Variants in PCDHGB3 observed in about 807,000 individuals in gnomAD.
PCDHGB3 encodes the protein protocadherin gamma subfamily B, 3.
PCDHGB3 carries 40 observed loss-of-function variants against 59.2 expected under a neutral mutation model. The observed-to-expected ratio is 0.68, with a 90% CI of 0.52 to 0.88. The LOEUF (loss-of-function observed/expected upper bound fraction) is 0.88. PCDHGB3 is among the 40% of genes least tolerant of loss of function. PCDHGB3 has a pLI of 0.00. For synonymous variants in PCDHGB3, 581 were observed against 503.6 expected (o/e 1.15, Z -2.06); for missense variants, 1,309 against 1,187.9 (o/e 1.10, Z -1.50).
chr5:141,374,718 T>A (rs1462422521), intron 1 of PCDHGB3: 6 of 1,609,996 alleles, frequency 3.7e-6, no homozygotes, highest in Non-Finnish European at 5.1e-6. Context: ...CGCCTGGTCC[T>A]TACTGCCATG....
intron 1 of PCDHGB3, chr5:141,374,349 G>A: frequency 1.2e-6 from 2 of 1,614,042 alleles, no homozygotes; most frequent in Non-Finnish European, 1.7e-6. Context: ...ACCGCGGGTA[G>A]GATAGACCGC....
rs746063311 is a variant in PCDHGB3, at chr5:141,376,553, G to C, written c.2415+3744G>C. 1.7e-5 allele frequency: 28 copies of C among 1,610,698 alleles called. No homozygotes were observed. The Admixed American group carries it at 2.2e-4, about 13-fold the overall frequency. On this transcript the variant is annotated intron_variant, in intron 1 of 3. Coordinates refer to ENST00000576222, the MANE Select transcript of PCDHGB3 (RefSeq NM_018924.5). ...GCGGGAAGAGTAATCTGATCTTCCC[G>C]CAACCCAACTAATCAGACAGGCTCA...
chr5:141,489,990 A>G lies in PCDHGB3; in HGVS notation c.2416-4817A>G. ...TCCAATCCTCAGTTCTACGTGTGGG[A>G]ATCCCAGAGAATGCACCCATTGGTA... is the stretch of plus-strand genomic sequence containing the variant. On this transcript the variant is annotated intron_variant, in intron 1 of 3. Transcript: ENST00000576222. This position sits in a 1 kb window ranked among gnomAD's most constrained non-coding sequence, Gnocchi z 4.5. 6.2e-7 allele frequency: 1 copy of G among 1,614,256 alleles called. No individual in the cohort carries two copies. Among genetic ancestry groups the G allele is most frequent in the Non-Finnish European group, 8.5e-7 (1 of 1,180,030 alleles).
At chr5:141,401,570 C>T (rs192915698) in intron 1 of PCDHGB3, among the ~76,000 whole-genome samples, 2 of 152,290 alleles carry the variant, frequency 1.3e-5, no homozygotes, top group Admixed American at 1.3e-4. Context: ...ATTTCTCTTG[C>T]TCGGAATCCT....
chr5:141,494,468 C>G (rs2099754577), intron 1 of PCDHGB3, among the ~76,000 whole-genome samples: 1 of 152,136 alleles, frequency 6.6e-6, no homozygotes, highest in East Asian at 1.9e-4. Context: ...TGCACCTCTT[C>G]CCCCAGTTCC....
intron 1 of PCDHGB3, chr5:141,414,010 G>A (rs1308472085): frequency 1.2e-6 from 2 of 1,612,990 alleles, no homozygotes; most frequent in Non-Finnish European, 1.7e-6. Flanking sequence ...AGGTGCCAAT[G>A]GAGAAGTGAC....
chr5:141,415,905 C>T (rs1278855649), intron 1 of PCDHGB3: 5 of 801,160 alleles, frequency 6.2e-6, no homozygotes, highest in Non-Finnish European at 8.6e-6. Context: ...GACAGACTTC[C>T]ATACAGAAGT....
At chr5:141,418,433 C>G (rs761824602) in intron 1 of PCDHGB3, 44 of 1,613,938 alleles carry the variant, frequency 2.7e-5, no homozygotes, top group Non-Finnish European at 3.7e-5. Flanking sequence ...TGGCAAATAT[C>G]CAGAATTAGT....
intron 1 of PCDHGB3, chr5:141,421,325 G>A: frequency 6.2e-7 from 1 of 1,613,906 alleles, no homozygotes; most frequent in Non-Finnish European, 8.5e-7. Context: ...AGGCAGATCC[G>A]ATATTCGGTG....
chr5:141,388,848 G>A (rs766706887), intron 1 of PCDHGB3: 6 of 1,613,942 alleles, frequency 3.7e-6, no homozygotes, highest in South Asian at 3.3e-5. Flanking sequence ...AGCAAGGGAC[G>A]GTGGAGGAAT....
chr5:141,461,560 T>G (rs1355320881), intron 1 of PCDHGB3, among the ~76,000 whole-genome samples: 1 of 152,234 alleles, frequency 6.6e-6, no homozygotes, highest in African/African-American at 2.4e-5. Context: ...ATGTGTACTT[T>G]GCAAAGATAA....
intron 1 of PCDHGB3, chr5:141,423,661 G>A: frequency 1.3e-6 from 2 of 1,555,760 alleles, no homozygotes; most frequent in Non-Finnish European, 1.7e-6. Flanking sequence ...AAGTAATCAG[G>A]TGAGATTTAT....
chr5:141,498,726 G>T (rs2099785379), intron 2 of PCDHGB3, among the ~76,000 whole-genome samples: 1 of 152,172 alleles, frequency 6.6e-6, no homozygotes, highest in Admixed American at 6.5e-5. Context: ...GAGGTCAGGA[G>T]TTTGAGACCA....
rs754835805 is a variant in PCDHGB3 at position 141,415,008 on chromosome 5, T to C, written c.2415+42199T>C. ...GCCAGAACGCCTGGCTGTCCTACCGTCTGCTCAAGGCCAGCGAGCCGGGAC... is the reference window on the plus strand; with the variant it reads ...GCCAGAACGCCTGGCTGTCCTACCGCCTGCTCAAGGCCAGCGAGCCGGGAC... On this transcript the variant is annotated intron_variant, in intron 1 of 3. Transcript: ENST00000576222. 3.1e-6 allele frequency: 5 copies of C among 1,613,636 alleles called. No individual in the cohort carries two copies. The South Asian group carries it at 3.3e-5, about 11-fold the overall frequency.
chr5:141,381,826 C>CTTCTTTTTTTTT (rs1777532522), intron 1 of PCDHGB3, among the ~76,000 whole-genome samples: 2 of 74,284 alleles, frequency 2.7e-5, no homozygotes, highest in African/African-American at 1.2e-4. Flanking sequence ...CTTTCTTCTT[C>CTTCTTTTTTTTT]TTTTTTTTTT....
At chr5:141,374,852 G>C in intron 1 of PCDHGB3, 1 of 1,613,798 alleles carries the variant, frequency 6.2e-7, no homozygotes, top group Middle Eastern at 1.6e-4. Context: ...AAACCTGCCA[G>C]TAGGCACACC....
chr5:141,475,721 G>A (rs867365261), intron 1 of PCDHGB3, among the ~76,000 whole-genome samples: 1 of 152,248 alleles, frequency 6.6e-6, no homozygotes. Context: ...ACAGCCCCAA[G>A]GCTGGCTTTC....
intron 1 of PCDHGB3, among the ~76,000 whole-genome samples, chr5:141,448,869 T>C (rs1375609555): frequency 6.6e-6 from 1 of 151,930 alleles, no homozygotes; most frequent in Non-Finnish European, 1.5e-5. Flanking sequence ...GGCGTGAACC[T>C]GGGAGGCGGA....
chr5:141,399,546 G>T, intron 1 of PCDHGB3: 1 of 1,614,032 alleles, frequency 6.2e-7, no homozygotes. Flanking sequence ...TCTGCGCCTC[G>T]GACCTGGACT....
Sources: allele counts gnomAD v4.1 joint callset (sites outside exome capture counted in the v4.1 genomes callset), GRCh38; gene constraint gnomAD v4.1.1; non-coding constraint Gnocchi (gnomAD v3.1); transcripts MANE v1.5; gene names NCBI Gene and HGNC (gene_info 2026-07-23, HGNC 2026-07-21).